The following TBC1D1 variants were observed in gnomAD, a reference collection of about 807,000 sequenced individuals.
The protein encoded by TBC1D1 is TBC1 (tre-2/USP6, BUB2, cdc16) domain family, member 1.
Under a neutral mutation model 125.6 loss-of-function variants are expected in TBC1D1, and 89 were observed. The ratio of observed to expected loss-of-function variants is 0.71; its 90% CI spans 0.60 to 0.85. TBC1D1 has a LOEUF of 0.85. Ranked by LOEUF, TBC1D1 falls within the 40% of genes least tolerant of loss-of-function variation. TBC1D1 has a pLI of 0.00. For missense variants in TBC1D1, 1,377 were observed against 1,469.2 expected (o/e 0.94, Z 1.03); for synonymous variants, 565 against 564.1 (o/e 1.00, Z -0.02).
chr4:38,060,680 T>C (rs1242240420), intron 12 of TBC1D1: 1 of 1,279,768 alleles, frequency 7.8e-7, no homozygotes, highest in Non-Finnish European at 1.0e-6. Context: ...AGAGGCAGTC[T>C]CATCTGTCAG....
At chr4:37,975,533 T>G (rs1412844448) in intron 2 of TBC1D1, among the ~76,000 whole-genome samples, 1 of 152,228 alleles carries the variant, frequency 6.6e-6, no homozygotes, top group Admixed American at 6.5e-5. Context: ...ATTCCCGGTC[T>G]GCTAAGTAGC....
At position 38,020,668 on chromosome 4, in the gene TBC1D1, C is replaced by T. The variant is rs146529803; in HGVS notation, c.1050C>T (p.Tyr350=). Reference sequence around the variant, plus strand: ...GTGGCGGCTTTCATTTTGTCTGTTACGTGTTTCAGTGCACAAATGAGGCTC... The same window carrying T: ...GTGGCGGCTTTCATTTTGTCTGTTATGTGTTTCAGTGCACAAATGAGGCTC... Residue 350 remains tyrosine (Y), a synonymous_variant, in exon 5 of 20, where the codon TAC becomes TAT. Transcript: ENST00000261439. 5.3e-5 allele frequency: 86 copies of T among 1,612,400 alleles called. No individual in the cohort carries two copies. The highest frequency in any genetic ancestry group is 3.9e-4 in the African/African-American group (29 of 74,974).
chr4:38,035,461 C>G (rs1747023586), intron 7 of TBC1D1, 127 bp from the exon 8 acceptor site: 1 of 659,532 alleles, frequency 1.5e-6, no homozygotes, highest in East Asian at 2.9e-5. Flanking sequence ...ATCATTGGTG[C>G]CCCCTGGTGA....
chr4:37,979,538 G>C (rs978700406), intron 2 of TBC1D1, among the ~76,000 whole-genome samples: 4 of 152,186 alleles, frequency 2.6e-5, no homozygotes, highest in African/African-American at 9.7e-5. Flanking sequence ...AAAAGGCATA[G>C]ATAATGTACA....
chr4:38,014,535 T>C lies in TBC1D1; in HGVS notation c.444T>C (p.Arg148=). 3.7e-6 allele frequency: 6 copies of C among 1,613,116 alleles called. No homozygotes were observed. The highest frequency in any genetic ancestry group is 5.1e-6 in the Non-Finnish European group (6 of 1,179,910). The change falls in exon 3 of 20, where the codon CGT becomes CGC. Residue 148 remains arginine (R), a synonymous_variant. Transcript: ENST00000261439. This position sits in a 1 kb window ranked among gnomAD's most constrained non-coding sequence, Gnocchi z 5.1. ...TGCCTGAGATCATCAGCTCCATCCG[T>C]CAGGCGGGGAAGATCGCCCGGCAGG...
intron 19 of TBC1D1, among the ~76,000 whole-genome samples, chr4:38,134,983 C>T (rs150912844): frequency 6.6e-6 from 1 of 152,340 alleles, no homozygotes; most frequent in African/African-American, 2.4e-5. Flanking sequence ...GACACTGCAG[C>T]TCTCAAAGAG....
chr4:37,959,126 G>A (rs1448480134), intron 2 of TBC1D1, among the ~76,000 whole-genome samples: 1 of 152,130 alleles, frequency 6.6e-6, no homozygotes, highest in African/African-American at 2.4e-5. Context: ...GTGGCCTTAT[G>A]CAAATAAACA....
At chr4:38,044,531 T>C (rs761370229) in intron 9 of TBC1D1, 41 bp downstream of exon 9, 1 of 1,582,218 alleles carries the variant, frequency 6.3e-7, no homozygotes. Context: ...TAAATCACTT[T>C]TTAGGAGAGT....
chr4:38,072,961 C>T (rs1330527792), intron 12 of TBC1D1, among the ~76,000 whole-genome samples: 1 of 151,898 alleles, frequency 6.6e-6, no homozygotes, highest in African/African-American at 2.4e-5. Flanking sequence ...TCTTTTTTTT[C>T]CGCCTTTTTT....
At chr4:37,903,581 A>T (rs930213150) in intron 2 of TBC1D1, among the ~76,000 whole-genome samples, 2 of 152,232 alleles carry the variant, frequency 1.3e-5, no homozygotes, top group African/African-American at 4.8e-5. Flanking sequence ...CTGGATAGAA[A>T]TGCTAAAGTT....
chr4:37,983,958 A>G (rs370326400), intron 2 of TBC1D1, among the ~76,000 whole-genome samples: 2 of 152,238 alleles, frequency 1.3e-5, no homozygotes, highest in African/African-American at 4.8e-5. Flanking sequence ...TACTATTTAT[A>G]GAGCATGTAT....
In TBC1D1 at chr4:38,049,794, CGAATGCCAG is replaced by C; in HGVS notation, c.1810_1818del (p.Cys604_Glu606del). Reference sequence around the variant, plus strand: ...CAAACACCCTGAGTCACTTCCCCATCGAATGCCAGGAACCTCCACAACCTGCCCGGGGGT... The same window carrying C: ...CAAACACCCTGAGTCACTTCCCCATCGAACCTCCACAACCTGCCCGGGGGT... On this transcript the variant is annotated inframe_deletion, in exon 11 of 20. Transcript: ENST00000261439. The C allele has an allele frequency of 6.2e-7, 1 of 1,614,180 alleles. No homozygotes were observed. Among genetic ancestry groups the C allele is most frequent in the Non-Finnish European group, 8.5e-7 (1 of 1,180,030 alleles).
At chr4:38,017,752 G>C (rs1011205478) in intron 3 of TBC1D1, among the ~76,000 whole-genome samples, 1 of 152,178 alleles carries the variant, frequency 6.6e-6, no homozygotes, top group African/African-American at 2.4e-5. Flanking sequence ...CCAGAGACGA[G>C]GAGTCTAAAA....
intron 2 of TBC1D1, among the ~76,000 whole-genome samples, chr4:37,992,291 CT>C (rs1736742559): frequency 6.6e-6 from 1 of 151,930 alleles, no homozygotes; most frequent in African/African-American, 2.4e-5. Flanking sequence ...AGGTTTTGGG[CT>C]CGTGGTGAGA....
intron 12 of TBC1D1, among the ~76,000 whole-genome samples, chr4:38,071,492 C>T (rs80242896): frequency 6.6e-6 from 1 of 152,184 alleles, no homozygotes; most frequent in Non-Finnish European, 1.5e-5. Context: ...TCATCCTATA[C>T]AATTAAAACC....
intron 15 of TBC1D1, among the ~76,000 whole-genome samples, chr4:38,104,998 T>G (rs2890595): frequency 0.75 from 113,577 of 151,864 alleles, 42,848 homozygotes; most frequent in African/African-American, 0.85. Flanking sequence ...CTCGTGATCC[T>G]CCCGCCTTGG....
chr4:37,902,203 C>T lies in TBC1D1; in HGVS notation c.108C>T (p.Thr36=), dbSNP rs1424495646. The change falls in exon 2 of 20, where the codon ACC becomes ACT. Residue 36 remains threonine, a synonymous_variant. Coordinates refer to ENST00000261439, the MANE Select transcript of TBC1D1 (RefSeq NM_015173.4). The stretch of plus-strand genomic sequence containing the variant: ...CCCTGCCTGTGCATTCCCTGACCAC[C>T]ATGCCCATGCTGCCCTGGGTTGTGG... The T allele has an allele frequency of 1.2e-6, 2 of 1,614,120 alleles. No homozygotes were observed. Among genetic ancestry groups the T allele is most frequent in the South Asian group, 1.1e-5 (1 of 91,080 alleles).
intron 17 of TBC1D1, among the ~76,000 whole-genome samples, chr4:38,119,087 GTTA>G (rs1303125950): frequency 1.3e-5 from 2 of 152,054 alleles, no homozygotes; most frequent in East Asian, 1.9e-4. Flanking sequence ...AAAAATGATA[GTTA>G]TTATATATCA....
chr4:37,968,291 T>C (rs1004447209), intron 2 of TBC1D1, among the ~76,000 whole-genome samples: 3 of 152,248 alleles, frequency 2.0e-5, no homozygotes, highest in African/African-American at 7.2e-5. Context: ...TTGTCTCCTC[T>C]GGAGTTGCAA....
Sources: gnomAD v4.1 joint callset for allele counts (sites outside exome capture counted in the v4.1 genomes callset) on GRCh38, gnomAD v4.1.1 for gene constraint, Gnocchi (gnomAD v3.1) non-coding constraint, MANE v1.5 for transcripts, NCBI Gene and HGNC (gene_info 2026-07-23, HGNC 2026-07-21) for gene names.